ACY3: variants seen among roughly 807,000 people sequenced by gnomAD.
ACY3 encodes aminoacylase 3.
A neutral mutation model predicts 24.6 loss-of-function variants in ACY3; 20 were observed. That is an observed-to-expected ratio of 0.81 (90% CI 0.57 to 1.18). ACY3 has a LOEUF of 1.18. ACY3 is among the 50% of genes most tolerant of loss of function. The pLI is 0.00. For synonymous variants in ACY3, 174 were observed against 188.4 expected (o/e 0.92, Z 0.62); for missense variants, 423 against 426.8 (o/e 0.99, Z 0.08).
Position 67,645,169 on chromosome 11 carries a change from A to C in ACY3, c.527-17T>G, listed in dbSNP as rs1855488079. 1 of 1,609,776 alleles carries C rather than the reference A, an allele frequency of 6.2e-7. No individual in the cohort carries two copies. The highest frequency in any genetic ancestry group is 8.5e-7 in the Non-Finnish European group (1 of 1,178,210). ...GCTCCAGACCTGGGGACCAGGAAGC[A>C]AGGGGTTAGGCAGGTGCAGGACCCA... On this transcript the variant is annotated splice_polypyrimidine_tract_variant and intron_variant, in intron 5 of 7. Coordinates refer to ENST00000255082, the MANE Select transcript of ACY3 (RefSeq NM_080658.2).
intron 5 of ACY3, 31 bp from the exon 6 acceptor site, chr11:67,645,183 G>T (rs1275617396): frequency 1.9e-6 from 3 of 1,606,706 alleles, no homozygotes; most frequent in Admixed American, 3.4e-5. Flanking sequence ...GGTTAGGCAG[G>T]TGCAGGACCC....
chr11:67,645,258 C>A (rs201907157), intron 5 of ACY3, 29 bp downstream of exon 5: 3 of 1,612,418 alleles, frequency 1.9e-6, no homozygotes, highest in Non-Finnish European at 2.5e-6. Flanking sequence ...CTCCTGGCCC[C>A]GCCCACTTCT....
rs755097737 is a variant in ACY3, at chr11:67,646,787, C to G, written c.236+21G>C. The G allele has an allele frequency of 1.4e-5, 22 of 1,609,006 alleles. 1 individual carries two copies. The South Asian group carries it at 2.0e-4, about 15-fold the overall frequency. On this transcript the variant is annotated intron_variant, in intron 3 of 7. Coordinates refer to ENST00000255082, the MANE Select transcript of ACY3 (RefSeq NM_080658.2). ...CTCGGTGCCCAACTGCCTGGGCCAA[C>G]CTGGCGGCAAAAGCACTCACTTGAG...
intron 2 of ACY3, 54 bp from the exon 3 acceptor site, chr11:67,647,117 C>G: frequency 7.6e-7 from 1 of 1,323,332 alleles, no homozygotes; most frequent in Non-Finnish European, 1.0e-6. Context: ...GATCTGGGCT[C>G]AGGGCAAGGA....
chr11:67,647,046 T>A lies in ACY3; in HGVS notation c.-3A>T. The A allele has an allele frequency of 6.6e-7, 1 of 1,517,338 alleles. No homozygotes were observed. Among genetic ancestry groups the A allele is most frequent in the Non-Finnish European group, 8.8e-7 (1 of 1,130,422 alleles). The allele number at this position is 1,517,338 out of a possible 1,614,324, so 94.0% of individuals were successfully genotyped here. On this transcript the variant is annotated 5_prime_UTR_variant, in exon 3 of 8. Transcript: ENST00000255082. ...CGGGGCACAGGCAGTGAGCACATGC[T>A]GGTGTGGGGTGCAGAACCTGGGGGT...
In ACY3 at chr11:67,642,913, A is replaced by G; in HGVS notation, c.771T>C (p.Pro257=). Residue 257 remains proline, a synonymous_variant, in exon 8 of 8, where the codon CCT becomes CCC. Transcript: ENST00000255082. The part of the protein sequence containing the change: ...LQDRDFQPLQ[P]GAPIFQMFSG... Reference sequence around the variant, plus strand: ...TGAACATCTGGAAGATGGGAGCACCAGGCTGCAGTGGCTGGAAGTCTCGGT... The same window carrying G: ...TGAACATCTGGAAGATGGGAGCACCGGGCTGCAGTGGCTGGAAGTCTCGGT... 6.2e-7 allele frequency: 1 copy of G among 1,613,932 alleles called. No individual in the cohort carries two copies. The highest frequency in any genetic ancestry group is 2.2e-5 in the East Asian group (1 of 44,884).
chr11:67,645,599 G>T, intron 4 of ACY3, 93 bp downstream of exon 4: 2 of 1,448,158 alleles, frequency 1.4e-6, no homozygotes, highest in Non-Finnish European at 1.9e-6. Context: ...CCGGGGAAGA[G>T]GGGCTAAGCA....
chr11:67,644,894 G>A, intron 6 of ACY3, 25 bp from the exon 7 acceptor site: 3 of 1,605,568 alleles, frequency 1.9e-6, no homozygotes, highest in Non-Finnish European at 2.6e-6. Flanking sequence ...GGGTGTGTGA[G>A]CCCATCCCTC....
chr11:67,642,969 T>C, intron 7 of ACY3, 30 bp from the exon 8 acceptor site: 1 of 1,599,886 alleles, frequency 6.3e-7, no homozygotes, highest in Non-Finnish European at 8.5e-7. Context: ...CCAAGATTGC[T>C]GGGGCCACCT....
chr11:67,646,657 G>A (rs1449142483), intron 3 of ACY3, 151 bp downstream of exon 3: 2 of 812,388 alleles, frequency 2.5e-6, no homozygotes, highest in African/African-American at 1.8e-5. Context: ...TTCTCTAAAT[G>A]TTCGGTTTGT....
chr11:67,642,783 A>C lies in ACY3; in HGVS notation c.901T>G (p.Phe301Val). The change falls in exon 8 of 8, where the codon TTC (phenylalanine) becomes GTC (valine). Residue 301 changes from phenylalanine to valine, a missense_variant. Physicochemically the swap from Phe to Val is conservative, Grantham distance 50. Transcript: ENST00000255082. Reference sequence around the variant, plus strand: ...GGCATGGCAGGCACGGTGAATGTGAACTTCTCAGTCTGGACAAAGGCAACG... The same window carrying C: ...GGCATGGCAGGCACGGTGAATGTGACCTTCTCAGTCTGGACAAAGGCAACG... ...KGVAFVQTEK[F>V]TFTVPAMPAL... 2.5e-6 allele frequency: 4 copies of C among 1,614,054 alleles called. No homozygotes were observed. The highest frequency in any genetic ancestry group is 3.4e-6 in the Non-Finnish European group (4 of 1,180,026).
chr11:67,649,052 G>A (rs1350466525), intron 1 of ACY3, among the ~76,000 whole-genome samples: 1 of 152,196 alleles, frequency 6.6e-6, no homozygotes, highest in Non-Finnish European at 1.5e-5. Flanking sequence ...AGCTGTCACC[G>A]GCTCCATTTT....
intron 1 of ACY3, among the ~76,000 whole-genome samples, chr11:67,649,242 G>GC (rs922404832): frequency 3.3e-5 from 5 of 151,932 alleles, no homozygotes; most frequent in South Asian, 2.1e-4. Context: ...TTGTTGGAAG[G>GC]CCCCCCCAAC....
chr11:67,647,262 G>T (rs1424254983), intron 2 of ACY3, among the ~76,000 whole-genome samples, 199 bp from the exon 3 acceptor site: 1 of 152,212 alleles, frequency 6.6e-6, no homozygotes, highest in East Asian at 1.9e-4. Flanking sequence ...TTGGAGAAAA[G>T]AAGTTTCTTT....
chr11:67,647,312 T>G (rs2134112022), intron 2 of ACY3, among the ~76,000 whole-genome samples: 1 of 152,296 alleles, frequency 6.6e-6, no homozygotes, highest in African/African-American at 2.4e-5. Context: ...TTCAGGAAGA[T>G]GGGTTCACCA....
intron 4 of ACY3, 94 bp downstream of exon 4, chr11:67,645,598 A>AG: frequency 6.9e-7 from 1 of 1,441,560 alleles, no homozygotes; most frequent in Non-Finnish European, 9.3e-7. Flanking sequence ...CCCGGGGAAG[A>AG]GGGGCTAAGC....
At chr11:67,648,434 C>T (rs1855556324) in intron 1 of ACY3, among the ~76,000 whole-genome samples, 1 of 152,232 alleles carries the variant, frequency 6.6e-6, no homozygotes, top group Admixed American at 6.5e-5. Flanking sequence ...GTCCCCTGCA[C>T]TCAGCCCTGG....
intron 1 of ACY3, among the ~76,000 whole-genome samples, chr11:67,648,937 G>T (rs1049776030): frequency 6.6e-6 from 1 of 152,142 alleles, no homozygotes; most frequent in Non-Finnish European, 1.5e-5. Context: ...CCCTCCAGGG[G>T]CCACTCCTCC....
intron 4 of ACY3, 76 bp downstream of exon 4, chr11:67,645,616 G>T (rs112548068): frequency 1.0e-5 from 15 of 1,500,900 alleles, no homozygotes; most frequent in Middle Eastern, 2.5e-4. Context: ...AGCAAAGGAG[G>T]TTCCAGCATT....
Sources: allele counts gnomAD v4.1 joint callset (sites outside exome capture counted in the v4.1 genomes callset), GRCh38; gene constraint gnomAD v4.1.1; transcripts MANE v1.5; gene names NCBI Gene and HGNC (gene_info 2026-07-23, HGNC 2026-07-21).